Variants in TCP11L2 observed in about 807,000 individuals in gnomAD.
TCP11L2 encodes T-complex protein 11-like protein 2.
TCP11L2 carries 39 observed loss-of-function variants against 50.7 expected under a neutral mutation model. The ratio of observed to expected loss-of-function variants is 0.77; its 90% CI spans 0.60 to 1.01. The LOEUF is 1.01. Ranked by LOEUF, TCP11L2 falls within the 50% of genes least tolerant of loss-of-function variation. The pLI is 0.00. For missense variants in TCP11L2, 612 were observed against 614.7 expected (o/e 1.00, Z 0.05); for synonymous variants, 192 against 219.3 (o/e 0.88, Z 1.10).
At chr12:106,299,143 T>C (rs1194962114), upstream of TCP11L2, among the ~76,000 whole-genome samples, 5 of 152,178 alleles carry the variant, frequency 3.3e-5, no homozygotes, top group Admixed American at 1.3e-4. Context: ...TTTTTGTTTT[T>C]TTCAATTACA....
chr12:106,335,549 C>T, intron 6 of TCP11L2, 90 bp from the exon 7 acceptor site: 3 of 1,371,720 alleles, frequency 2.2e-6, no homozygotes, highest in Non-Finnish European at 3.0e-6. Flanking sequence ...TCATTCATGC[C>T]CAGCACCCAA....
chr12:106,321,526 G>T lies in TCP11L2; in HGVS notation c.455G>T (p.Arg152Leu). The T allele has an allele frequency of 6.2e-7, 1 of 1,614,068 alleles. No individual in the cohort carries two copies. The highest frequency in any genetic ancestry group is 8.5e-7 in the Non-Finnish European group (1 of 1,180,016). The stretch of plus-strand genomic sequence containing the variant: ...CTCACTCCCGGTGGCAACCGGCTTC[G>T]CAACCAAATCTGTGAAGTTTTGGAC... ...SFLTPGGNRL[R>L]NQICEVLDTD... Residue 152 changes from arginine (R) to leucine (L), a missense_variant, in exon 5 of 10, where the codon CGC becomes CTC. By Grantham distance (102) the Arg-to-Leu change is moderately radical. Transcript: ENST00000299045.
In TCP11L2 at chr12:106,340,959, A is replaced by G. The variant is rs766957572; in HGVS notation, c.1276A>G (p.Ser426Gly). Reference protein sequence around the residue: ...IQANLIGQFSSIEEEDNPIWS... With the variant: ...IQANLIGQFSGIEEEDNPIWS... ...AGCTAATCTTATAGGTCAATTTTCA[A>G]GCATTGAAGAGGAGGACAATCCTAT... is the stretch of plus-strand genomic sequence containing the variant. The change falls in exon 9 of 10, where the codon AGC (serine) becomes GGC (glycine). Residue 426 changes from serine (S) to glycine (G), a missense_variant. Physicochemically the swap from Ser to Gly is moderately conservative, Grantham distance 56. Coordinates refer to ENST00000299045, the MANE Select transcript of TCP11L2 (RefSeq NM_152772.3). The G allele has an allele frequency of 3.7e-6, 6 of 1,612,952 alleles. No individual in the cohort carries two copies. In the African/African-American group the frequency reaches 4.0e-5, roughly 11 times the overall value.
At chr12:106,343,049 C>G (rs958776376) in intron 9 of TCP11L2, among the ~76,000 whole-genome samples, 1 of 152,200 alleles carries the variant, frequency 6.6e-6, no homozygotes, top group African/African-American at 2.4e-5. Context: ...TACTGTTGCC[C>G]TAGCAACTTA....
At chr12:106,316,973 T>A (rs1488714291) in intron 3 of TCP11L2, among the ~76,000 whole-genome samples, 3 of 152,206 alleles carry the variant, frequency 2.0e-5, no homozygotes, top group African/African-American at 7.2e-5. Flanking sequence ...CATTTTAGGC[T>A]CAGACAGACT....
At chr12:106,323,168 C>CT (rs933256181) in intron 5 of TCP11L2, among the ~76,000 whole-genome samples, 13 of 152,266 alleles carry the variant, frequency 8.5e-5, no homozygotes, top group African/African-American at 3.1e-4. Flanking sequence ...CTTGTCCTTT[C>CT]TTTTTTTAAT....
chr12:106,314,058 G>A (rs763010700), intron 2 of TCP11L2, among the ~76,000 whole-genome samples: 2 of 152,092 alleles, frequency 1.3e-5, no homozygotes, highest in Non-Finnish European at 2.9e-5. Flanking sequence ...GAGCCACTGC[G>A]CCTGGCCTGG....
Position 106,323,662 on chromosome 12 carries a change from T to A in TCP11L2, c.772+16T>A, listed in dbSNP as rs2035430033. 7.3e-7 allele frequency: 1 copy of A among 1,374,062 alleles called. No individual in the cohort carries two copies. 85.1% of individuals were successfully genotyped at this position (1,374,062 alleles called of 1,614,324 possible). On this transcript the variant is annotated intron_variant, in intron 6 of 9. Transcript: ENST00000299045. The stretch of plus-strand genomic sequence containing the variant: ...GAAACTCCAAGTGAGTATAATATAA[T>A]GTGTATTTATATTGAAATTAGGTTA...
rs1345607311 is a variant in TCP11L2, at chr12:106,322,482, C to T, written c.635+776C>T. Among the ~76,000 whole-genome samples, 3 of 152,282 alleles carry T rather than the reference C, an allele frequency of 2.0e-5. No homozygotes were observed. The East Asian group carries it at 5.8e-4, about 29-fold the overall frequency. On this transcript the variant is annotated intron_variant, in intron 5 of 9. Transcript: ENST00000299045. ...TTGCACTGCAGGGAGGGAGATTGGGCCTTTAGTGGTCAGCCAGCCACATCT... is the reference window on the plus strand; with the variant it reads ...TTGCACTGCAGGGAGGGAGATTGGGTCTTTAGTGGTCAGCCAGCCACATCT...
chr12:106,340,800 G>A (rs1253608306), intron 8 of TCP11L2, 26 bp from the exon 9 acceptor site: 3 of 1,548,758 alleles, frequency 1.9e-6, no homozygotes, highest in South Asian at 1.2e-5. Flanking sequence ...ACTTTCCCTG[G>A]TGGAATTTCA....
intron 6 of TCP11L2, among the ~76,000 whole-genome samples, chr12:106,333,443 A>G (rs975907642): frequency 6.6e-6 from 1 of 152,202 alleles, no homozygotes; most frequent in African/African-American, 2.4e-5. Context: ...AAACTGATTC[A>G]TGCAGTTAGG....
In TCP11L2 at chr12:106,346,738, TG is replaced by T. The variant is rs2036245896; in HGVS notation, c.*209del. The T allele has an allele frequency of 6.2e-6, 3 of 487,548 alleles. No individual in the cohort carries two copies. The highest frequency in any genetic ancestry group is 1.0e-5 in the Non-Finnish European group (3 of 288,316). 30.2% of individuals were successfully genotyped at this position (487,548 alleles called of 1,614,324 possible). ...GTAAACATCACATAGACCCTATTTG[TG>T]CATCATTTTCAAGTTTAAAACAAAT... On this transcript the variant is annotated 3_prime_UTR_variant, in exon 10 of 10. Transcript: ENST00000299045.
Position 106,346,671 on chromosome 12 carries a change from G to C in TCP11L2, c.*141G>C. Reference sequence around the variant, plus strand: ...CAAATCTGTGTAATGGGTAATATTAGCATTACAGAAGACACACACATCACA... The same window carrying C: ...CAAATCTGTGTAATGGGTAATATTACCATTACAGAAGACACACACATCACA... On this transcript the variant is annotated 3_prime_UTR_variant, in exon 10 of 10. Coordinates refer to ENST00000299045, the MANE Select transcript of TCP11L2 (RefSeq NM_152772.3). 9.9e-7 allele frequency: 1 copy of C among 1,013,798 alleles called. No individual in the cohort carries two copies. The highest frequency in any genetic ancestry group is 1.4e-6 in the Non-Finnish European group (1 of 718,768). 62.8% of individuals were successfully genotyped at this position (1,013,798 alleles called of 1,614,324 possible).
At position 106,335,745 on chromosome 12, in the gene TCP11L2, A is replaced by T; in HGVS notation, c.879A>T (p.Pro293=). Residue 293 remains proline (P), a synonymous_variant, in exon 7 of 10, where the codon CCA becomes CCT. Coordinates refer to ENST00000299045, the MANE Select transcript of TCP11L2 (RefSeq NM_152772.3). ...CTGGGGCCGAAAATACCTCCAAGCC[A>T]AGCCTGAGCCCTACTTTGGTGCTAA... The part of the protein sequence containing the change: ...LTPGAENTSK[P]SLSPTLVLNN... 6.2e-7 allele frequency: 1 copy of T among 1,614,240 alleles called. No individual in the cohort carries two copies. Among genetic ancestry groups the T allele is most frequent in the Non-Finnish European group, 8.5e-7 (1 of 1,180,032 alleles).
chr12:106,302,519 GC>G (rs1463296795), upstream of TCP11L2, among the ~76,000 whole-genome samples: 1 of 148,360 alleles, frequency 6.7e-6, no homozygotes, highest in Non-Finnish European at 1.5e-5. Context: ...TTCTCACCCC[GC>G]CCCCGGCAGC....
intron 5 of TCP11L2, among the ~76,000 whole-genome samples, 169 bp downstream of exon 5, chr12:106,321,875 G>T (rs1197094172): frequency 6.6e-6 from 1 of 152,178 alleles, no homozygotes; most frequent in Non-Finnish European, 1.5e-5. Flanking sequence ...TATGCAGAGA[G>T]TTTTCACATA....
At chr12:106,314,574 TGTGAGAGAGA>T (rs58069736) in intron 3 of TCP11L2, 81 bp downstream of exon 3, 65,321 of 609,572 alleles carry the variant, frequency 0.11, 2,067 homozygotes, top group Middle Eastern at 0.17. Context: ...TGTGTGTGTG[TGTGAGAGAGA>T]GAGAGAGAGA....
At chr12:106,313,689 A>G (rs1565840774) in intron 2 of TCP11L2, among the ~76,000 whole-genome samples, 1 of 151,680 alleles carries the variant, frequency 6.6e-6, no homozygotes, top group African/African-American at 2.4e-5. Flanking sequence ...CAGAATAAAA[A>G]TAATTTTATC....
upstream of TCP11L2, among the ~76,000 whole-genome samples, chr12:106,300,916 C>G (rs1370855789): frequency 2.1e-4 from 32 of 152,176 alleles, no homozygotes; most frequent in Admixed American, 2.1e-3. Context: ...GACTCATGGT[C>G]ACCTGCTCCA....
Sources: allele counts gnomAD v4.1 joint callset (sites outside exome capture counted in the v4.1 genomes callset), GRCh38; gene constraint gnomAD v4.1.1; transcripts MANE v1.5; gene names NCBI Gene and HGNC (gene_info 2026-07-23, HGNC 2026-07-21).